Variants in CYBRD1 observed in about 807,000 individuals in gnomAD.
CYBRD1 encodes cytochrome b reductase 1.
In CYBRD1, 14 loss-of-function variants were observed where a neutral mutation model predicts 21.9. The observed-to-expected ratio is 0.64, with a 90% CI of 0.42 to 1.00. The LOEUF (loss-of-function observed/expected upper bound fraction) is 1.00, where lower values mean the gene tolerates loss of function less well. Among genes scored for constraint, CYBRD1 ranks in the 50% least tolerant of loss-of-function variants. The pLI, the probability that CYBRD1 is intolerant of heterozygous loss-of-function variation, is 0.00. For synonymous variants in CYBRD1, 146 were observed against 136.5 expected (o/e 1.07, Z -0.48); for missense variants, 328 against 352.5 (o/e 0.93, Z 0.56).
chr2:171,552,472 G>A (rs751257006), intron 2 of CYBRD1, among the ~76,000 whole-genome samples: 1 of 152,122 alleles, frequency 6.6e-6, no homozygotes, highest in Non-Finnish European at 1.5e-5. Flanking sequence ...CAAGAAAGCT[G>A]AACAGTGATG....
chr2:171,524,289 A>G (rs1247993086), intron 1 of CYBRD1, among the ~76,000 whole-genome samples: 1 of 152,122 alleles, frequency 6.6e-6, no homozygotes, highest in Non-Finnish European at 1.5e-5. Context: ...CTTATAAGAA[A>G]AAAACATACT....
intron 3 of CYBRD1, 135 bp downstream of exon 3, chr2:171,553,635 A>G (rs1213505996): frequency 7.8e-6 from 6 of 767,156 alleles, no homozygotes; most frequent in African/African-American, 1.8e-5. Flanking sequence ...AGAATTTGTT[A>G]TATCATATAG....
At chr2:171,532,172 G>A (rs1697476582) in intron 1 of CYBRD1, among the ~76,000 whole-genome samples, 1 of 152,212 alleles carries the variant, frequency 6.6e-6, no homozygotes, top group African/African-American at 2.4e-5. Flanking sequence ...CCTTTGGATA[G>A]AATCTGGTAA....
rs1352750631 is a variant in CYBRD1 at position 171,522,897 on chromosome 2, G to C, written c.193+159G>C. 6.6e-6 allele frequency among the ~76,000 whole-genome samples: 1 copy of C among 152,022 alleles called. No homozygotes were observed. The highest frequency in any genetic ancestry group is 1.5e-5 in the Non-Finnish European group (1 of 67,998). ...GCGCGGGAAGCCAAGTCGGCTGGGC[G>C]GGAGGGAGGCTGGCTGGCTCTGGGG... is the stretch of plus-strand genomic sequence containing the variant. On this transcript the variant is annotated intron_variant, in intron 1 of 3. Transcript: ENST00000321348. This position sits in a 1 kb window ranked among gnomAD's most constrained non-coding sequence, Gnocchi z 4.3.
chr2:171,536,425 C>A (rs1697547224), intron 1 of CYBRD1, among the ~76,000 whole-genome samples: 1 of 152,168 alleles, frequency 6.6e-6, no homozygotes, highest in Non-Finnish European at 1.5e-5. Context: ...CTGCCTCAAG[C>A]CTCCCAAGCA....
rs372216202 is a variant in CYBRD1, at chr2:171,544,299, T to C, written c.402+2506T>C. On this transcript the variant is annotated intron_variant, in intron 2 of 3. Transcript: ENST00000321348. ...CTATATCTTCTCCTAGTTTGAAGCTTGCATTTTCTCTGTTGTTAACATCTT... is the reference window on the plus strand; with the variant it reads ...CTATATCTTCTCCTAGTTTGAAGCTCGCATTTTCTCTGTTGTTAACATCTT... Among the ~76,000 whole-genome samples, 11 of 152,334 alleles carry C rather than the reference T, an allele frequency of 7.2e-5. No homozygotes were observed. The East Asian group carries it at 1.2e-3, about 16-fold the overall frequency.
intron 2 of CYBRD1, among the ~76,000 whole-genome samples, chr2:171,550,322 T>G (rs1373474639): frequency 6.6e-6 from 1 of 152,072 alleles, no homozygotes; most frequent in African/African-American, 2.4e-5. Context: ...GCCAGGCTGG[T>G]CTTAAAATCC....
intron 1 of CYBRD1, among the ~76,000 whole-genome samples, chr2:171,539,327 T>C (rs1467520085): frequency 2.0e-5 from 3 of 151,974 alleles, no homozygotes; most frequent in South Asian, 2.1e-4. Context: ...CTGCTAAAAA[T>C]AGAAAAAATA....
intron 1 of CYBRD1, chr2:171,540,772 C>CTTTTTTTTTTTTTTTTTTTTT (rs60636441): frequency 1.8e-5 from 2 of 109,940 alleles, no homozygotes; most frequent in African/African-American, 3.7e-5. Flanking sequence ...CAAACTAAGA[C>CTTTTTTTTTTTTTTTTTTTTT]TTTTTTTTTT....
At chr2:171,543,214 A>G (rs1208779559) in intron 2 of CYBRD1, among the ~76,000 whole-genome samples, 1 of 152,242 alleles carries the variant, frequency 6.6e-6, no homozygotes, top group Non-Finnish European at 1.5e-5. Flanking sequence ...TAACAAGGCC[A>G]GTATCAAGGT....
At position 171,522,888 on chromosome 2, in the gene CYBRD1, C is replaced by G; in HGVS notation, c.193+150C>G. The G allele has an allele frequency of 1.5e-6, 2 of 1,308,872 alleles. No individual in the cohort carries two copies. Among genetic ancestry groups the G allele is most frequent in the South Asian group, 2.8e-5 (2 of 70,802 alleles). 81.1% of individuals were successfully genotyped at this position (1,308,872 alleles called of 1,614,324 possible). A position where few individuals can be genotyped will look rare whatever the true frequency, so the allele number is the denominator to read the frequency against. ...GTGAGGAGCGCGCGGGAAGCCAAGTCGGCTGGGCGGGAGGGAGGCTGGCTG... is the reference window on the plus strand; with the variant it reads ...GTGAGGAGCGCGCGGGAAGCCAAGTGGGCTGGGCGGGAGGGAGGCTGGCTG... On this transcript the variant is annotated intron_variant, in intron 1 of 3. Transcript: ENST00000321348. The surrounding 1 kb of genome is among the most constrained non-coding windows in gnomAD (Gnocchi z 4.3).
chr2:171,540,268 A>G (rs1403071033), intron 1 of CYBRD1, among the ~76,000 whole-genome samples: 1 of 152,178 alleles, frequency 6.6e-6, no homozygotes, highest in Non-Finnish European at 1.5e-5. Flanking sequence ...GAATTACACT[A>G]TATACTTGTT....
chr2:171,528,271 G>A (rs1192792329), intron 1 of CYBRD1, among the ~76,000 whole-genome samples: 3 of 152,084 alleles, frequency 2.0e-5, no homozygotes, highest in Non-Finnish European at 2.9e-5. Context: ...TTTTAGTAGA[G>A]ATGGGGTTTC....
At chr2:171,531,294 T>G (rs756229984) in intron 1 of CYBRD1, among the ~76,000 whole-genome samples, 57 of 152,208 alleles carry the variant, frequency 3.7e-4, no homozygotes, top group Admixed American at 2.1e-3. Context: ...TTTGTTGTTG[T>G]TCATTCAATT....
chr2:171,548,178 C>T (rs1201840298), intron 2 of CYBRD1, among the ~76,000 whole-genome samples: 1 of 151,922 alleles, frequency 6.6e-6, no homozygotes, highest in Non-Finnish European at 1.5e-5. Flanking sequence ...TGGAGGAATG[C>T]AATTTGGCAA....
Position 171,522,521 on chromosome 2 carries a change from CCGCGGTGCGGAGTATGGGGCGCTGATGG to C in CYBRD1, c.-23_5del. On this transcript the variant is annotated start_lost and 5_prime_UTR_variant, in exon 1 of 4. Transcript: ENST00000321348. The surrounding 1 kb of genome is among the most constrained non-coding windows in gnomAD (Gnocchi z 4.3). The stretch of plus-strand genomic sequence containing the variant: ...CCGCCTCTCCAAGTTCTTGTGGCCC[CCGCGGTGCGGAGTATGGGGCGCTGATGG>C]CCATGGAGGGCTACTGGCGCTTCCT... 1 of 1,575,710 alleles carries C rather than the reference CCGCGGTGCGGAGTATGGGGCGCTGATGG, an allele frequency of 6.3e-7. No individual in the cohort carries two copies. Among genetic ancestry groups the C allele is most frequent in the East Asian group, 2.3e-5 (1 of 43,468 alleles).
chr2:171,531,951 T>A (rs1018513420), intron 1 of CYBRD1, among the ~76,000 whole-genome samples: 2 of 152,210 alleles, frequency 1.3e-5, no homozygotes, highest in African/African-American at 4.8e-5. Context: ...CAGAGATGTT[T>A]CTAGGGCTAA....
chr2:171,527,199 G>T (rs1697397857), intron 1 of CYBRD1, among the ~76,000 whole-genome samples: 2 of 152,142 alleles, frequency 1.3e-5, no homozygotes. Context: ...AAAGCGTAAA[G>T]AGATGATTTA....
intron 2 of CYBRD1, among the ~76,000 whole-genome samples, chr2:171,544,980 G>T (rs1697687894): frequency 6.6e-6 from 1 of 151,712 alleles, no homozygotes; most frequent in African/African-American, 2.4e-5. Flanking sequence ...CTGTACAAAA[G>T]ATATAAAAAT....
Sources: gnomAD v4.1 joint callset for allele counts (sites outside exome capture counted in the v4.1 genomes callset) on GRCh38, gnomAD v4.1.1 for gene constraint, Gnocchi (gnomAD v3.1) non-coding constraint, MANE v1.5 for transcripts, NCBI Gene and HGNC (gene_info 2026-07-23, HGNC 2026-07-21) for gene names.